The following PLA2G4E variants were observed in gnomAD, a reference collection of about 807,000 sequenced individuals.
PLA2G4E encodes phospholipase A2 group IVE, also known as cytosolic phospholipase A2 epsilon.
PLA2G4E carries 84 observed loss-of-function variants against 109.1 expected under a neutral mutation model. The ratio of observed to expected loss-of-function variants is 0.77; its 90% confidence interval spans 0.65 to 0.92. The LOEUF is 0.92. Ranked by LOEUF, PLA2G4E falls within the 40% of genes least tolerant of loss-of-function variation. The probability of loss-of-function intolerance (pLI) is 0.00; values close to 1 mark genes in which losing one functional copy is unlikely to be tolerated. For synonymous variants in PLA2G4E, 469 were observed against 436.1 expected, an observed-to-expected ratio of 1.08 and a Z score of -0.94; for missense variants, 1,057 against 1,076.6, an observed-to-expected ratio of 0.98 and a Z score of 0.25.
intron 7 of PLA2G4E, 149 bp from the exon 8 acceptor site, chr15:42,000,431 A>G (rs766800189): frequency 2.6e-6 from 2 of 772,160 alleles, no homozygotes; most frequent in Non-Finnish European, 4.1e-6. Context: ...TTCTCAATCT[A>G]TAGGGTAGGG....
At chr15:41,984,867 C>T (rs544621822) in intron 18 of PLA2G4E, among the ~76,000 whole-genome samples, 6 of 152,308 alleles carry the variant, frequency 3.9e-5, no homozygotes, top group South Asian at 4.2e-4. Flanking sequence ...CGTTGGTGTT[C>T]GCATCCAAAC....
At chr15:42,035,433 G>C (rs1022347273) in intron 1 of PLA2G4E, among the ~76,000 whole-genome samples, 21 of 152,238 alleles carry the variant, frequency 1.4e-4, no homozygotes, top group African/African-American at 5.1e-4. Flanking sequence ...CCATGCCTAG[G>C]GGCTAGAGAG....
At chr15:42,042,426 ATATAT>A (rs1889331623) in intron 1 of PLA2G4E, among the ~76,000 whole-genome samples, 1 of 152,214 alleles carries the variant, frequency 6.6e-6, no homozygotes, top group Non-Finnish European at 1.5e-5. Context: ...TACTGAATAC[ATATAT>A]TATTTATAAT....
At chr15:42,011,177 G>C (rs2068532194) in intron 2 of PLA2G4E, among the ~76,000 whole-genome samples, 1 of 152,276 alleles carries the variant, frequency 6.6e-6, no homozygotes, top group Admixed American at 6.5e-5. Context: ...AAGAGGGCCA[G>C]GTATCGCCCA....
intron 1 of PLA2G4E, among the ~76,000 whole-genome samples, chr15:42,022,932 G>T (rs1192063553): frequency 2.0e-5 from 3 of 152,174 alleles, no homozygotes; most frequent in African/African-American, 7.2e-5. Flanking sequence ...GCCTTACAGA[G>T]GAGGTGGCAT....
chr15:41,988,201 G>T, intron 15 of PLA2G4E, 45 bp from the exon 16 acceptor site: 1 of 1,411,798 alleles, frequency 7.1e-7, no homozygotes, highest in Non-Finnish European at 9.7e-7. Context: ...TGCAGCCCCA[G>T]GCCCCACACT....
At chr15:42,035,029 T>C (rs1889183511) in intron 1 of PLA2G4E, among the ~76,000 whole-genome samples, 1 of 152,044 alleles carries the variant, frequency 6.6e-6, no homozygotes, top group Non-Finnish European at 1.5e-5. Flanking sequence ...ATCACAGGGG[T>C]GATGCCTTTC....
intron 18 of PLA2G4E, among the ~76,000 whole-genome samples, chr15:41,985,225 C>T (rs1190386455): frequency 6.6e-6 from 1 of 152,206 alleles, no homozygotes; most frequent in African/African-American, 2.4e-5. Context: ...AACAAGATCA[C>T]ACGTAGGAAA....
intron 2 of PLA2G4E, among the ~76,000 whole-genome samples, chr15:42,013,364 C>T (rs2068556519): frequency 6.6e-6 from 1 of 152,152 alleles, no homozygotes; most frequent in South Asian, 2.1e-4. Flanking sequence ...GAAATCGATT[C>T]CAGGAAGAGA....
chr15:42,044,221 C>T (rs1031451942), intron 1 of PLA2G4E, among the ~76,000 whole-genome samples: 3 of 152,156 alleles, frequency 2.0e-5, no homozygotes, highest in Non-Finnish European at 2.9e-5. Context: ...CAGGGTGCTA[C>T]GAAAGACGGG....
At chr15:42,008,255 G>C (rs971978777) in intron 2 of PLA2G4E, among the ~76,000 whole-genome samples, 7 of 152,246 alleles carry the variant, frequency 4.6e-5, no homozygotes, top group Non-Finnish European at 7.3e-5. Flanking sequence ...AGGGGACCAG[G>C]AAAACCAAAG....
chr15:42,031,672 C>A (rs1405965835), intron 1 of PLA2G4E, among the ~76,000 whole-genome samples: 1 of 152,166 alleles, frequency 6.6e-6, no homozygotes, highest in Non-Finnish European at 1.5e-5. Context: ...TGACCAAGCA[C>A]CCACAACTAG....
chr15:42,047,501 G>A (rs74008961), intron 1 of PLA2G4E, among the ~76,000 whole-genome samples: 14,307 of 152,178 alleles, frequency 0.094, 721 homozygotes, highest in South Asian at 0.19. Context: ...CCTCATGACC[G>A]AATCCCCTCC....
intron 1 of PLA2G4E, 100 bp from the exon 2 acceptor site, chr15:42,013,857 T>G: frequency 1.0e-5 from 8 of 763,826 alleles, no homozygotes; most frequent in East Asian, 3.1e-5. Flanking sequence ...GCCGGCCCAG[T>G]TGCATTACAA....
chr15:41,985,742 T>C, intron 18 of PLA2G4E, 97 bp downstream of exon 18: 2 of 1,413,054 alleles, frequency 1.4e-6, no homozygotes, highest in Non-Finnish European at 1.9e-6. Flanking sequence ...GTCTAGAGCA[T>C]GCCTCTTCCC....
chr15:42,029,330 A>G (rs114300222), intron 1 of PLA2G4E, among the ~76,000 whole-genome samples: 1,819 of 152,286 alleles, frequency 0.012, 31 homozygotes, highest in African/African-American at 0.041. Flanking sequence ...ACCTGGGCTC[A>G]AGCAATCTGC....
At chr15:42,004,838 G>T (rs2068457926) in intron 5 of PLA2G4E, 100 bp downstream of exon 5, 1 of 1,261,368 alleles carries the variant, frequency 7.9e-7, no homozygotes, top group Middle Eastern at 1.8e-4. Flanking sequence ...CTGGAAGAGG[G>T]TGAGGCAGCA....
At chr15:42,040,527 T>C (rs1002719620) in intron 1 of PLA2G4E, among the ~76,000 whole-genome samples, 4 of 152,236 alleles carry the variant, frequency 2.6e-5, no homozygotes, top group African/African-American at 7.2e-5. Flanking sequence ...TGGATAATTC[T>C]GACTGTACAG....
chr15:42,013,330 G>A (rs141810501), intron 2 of PLA2G4E, among the ~76,000 whole-genome samples: 183 of 152,314 alleles, frequency 1.2e-3, no homozygotes, highest in African/African-American at 4.0e-3. Context: ...GGAGTGCTCC[G>A]TGTGGGCAAA....
Sources: gnomAD v4.1 joint callset for allele counts (sites outside exome capture counted in the v4.1 genomes callset) on GRCh38, gnomAD v4.1.1 for gene constraint, MANE v1.5 for transcripts, NCBI Gene and HGNC (gene_info 2026-07-23, HGNC 2026-07-21) for gene names.